Variants in CLEC4G observed in about 807,000 individuals in gnomAD.
CLEC4G encodes the protein C-type lectin superfamily 4, member G.
In CLEC4G, 34 loss-of-function variants were observed where a neutral mutation model predicts 37.0. The ratio of observed to expected loss-of-function variants is 0.92; its 90% CI spans 0.70 to 1.22. The LOEUF is 1.22. Ranked by LOEUF, CLEC4G falls within the 50% of genes most tolerant of loss-of-function variation. The probability of loss-of-function intolerance (pLI) is 0.00; values close to 1 mark genes in which losing one functional copy is unlikely to be tolerated. For synonymous variants in CLEC4G, 167 were observed against 165.6 expected (o/e 1.01, Z -0.06); for missense variants, 390 against 392.9 (o/e 0.99, Z 0.06).
chr19:7,730,126 C>G lies in CLEC4G; in HGVS notation c.520G>C (p.Gly174Arg). The G allele has an allele frequency of 6.2e-7, 1 of 1,612,822 alleles. No individual in the cohort carries two copies. The highest frequency in any genetic ancestry group is 1.1e-5 in the South Asian group (1 of 90,996). Residue 174 changes from glycine (G) to arginine (R), a missense_variant, in exon 7 of 9, where the codon GGC (glycine) becomes CGC (arginine). Physicochemically the swap from Gly to Arg is moderately radical, Grantham distance 125. Transcript: ENST00000328853. This position sits in a 1 kb window ranked among gnomAD's most constrained non-coding sequence, Gnocchi z 7.3. ...GGCACAGAGAAAAAGTAGCAGGAGC[C>G]CTCGAAGGACAGCCACGACGTGGGG... is the stretch of plus-strand genomic sequence containing the variant. ...PCPTSWLSFE[G>R]SCYFFSVPKT...
In CLEC4G at chr19:7,730,387, G is replaced by A; in HGVS notation, c.442C>T (p.Leu148=). Residue 148 remains leucine (L), a synonymous_variant, in exon 6 of 9, where the codon CTG becomes TTG. Coordinates refer to ENST00000328853, the MANE Select transcript of CLEC4G (RefSeq NM_198492.4). The surrounding 1 kb of genome is among the most constrained non-coding windows in gnomAD (Gnocchi z 7.3). ...GRGREDVRTE[L]FRALEAVRLQ... is the part of the protein sequence containing the mutation. ...CTCACGGCCTCCAGCGCCCGGAACAGCTCAGTGCGGACGTCCTCACGGCCC... is the reference window on the plus strand; with the variant it reads ...CTCACGGCCTCCAGCGCCCGGAACAACTCAGTGCGGACGTCCTCACGGCCC... 6.2e-7 allele frequency: 1 copy of A among 1,603,004 alleles called. No individual in the cohort carries two copies. Among genetic ancestry groups the A allele is most frequent in the East Asian group, 2.2e-5 (1 of 44,874 alleles).
In CLEC4G at chr19:7,731,249, C is replaced by T. The variant is rs752661320; in HGVS notation, c.220+17G>A. The T allele has an allele frequency of 2.5e-6, 4 of 1,584,086 alleles. No individual in the cohort carries two copies. Among genetic ancestry groups the T allele is most frequent in the Non-Finnish European group, 1.7e-6 (2 of 1,167,326 alleles). ...CCCTCACGCCCCGGGGGCCCAGGCG[C>T]CCGGCTCTGCACACACCGTTTGTCC... On this transcript the variant is annotated intron_variant, in intron 3 of 8. Coordinates refer to ENST00000328853, the MANE Select transcript of CLEC4G (RefSeq NM_198492.4).
chr19:7,730,853 C>T lies in CLEC4G; in HGVS notation c.290G>A (p.Gly97Glu), dbSNP rs754549496. The T allele has an allele frequency of 2.0e-6, 3 of 1,529,760 alleles. No homozygotes were observed. The highest frequency in any genetic ancestry group is 5.0e-5 in the East Asian group (2 of 40,242). The allele number at this position is 1,529,760 out of a possible 1,614,324, so 94.8% of individuals were successfully genotyped here. Residue 97 changes from glycine (G) to glutamate (E), a missense_variant, in exon 5 of 9, where the codon GGG (glycine) becomes GAG (glutamate). Transcript: ENST00000328853. This position sits in a 1 kb window ranked among gnomAD's most constrained non-coding sequence, Gnocchi z 7.3. ...CGTGGTCTGCAGCTGCGCCTGCGTC[C>T]CCGAGCCTGGGAGCCGCAGGGTGAG... ...EVGDCHSCCS[G>E]TQAQLQTTRA...
Position 7,729,072 on chromosome 19 carries a change from T to G in CLEC4G, c.*294A>C. ...GCTCCAGTCCTCAGTCACCTAACCT[T>G]GGTTAGGGAGAGAAGTGGAGGCATA... On this transcript the variant is annotated 3_prime_UTR_variant, in exon 9 of 9. Transcript: ENST00000328853. 14 of 499,850 alleles carry G rather than the reference T, an allele frequency of 2.8e-5. No homozygotes were observed. Among genetic ancestry groups the G allele is most frequent in the Admixed American group, 5.3e-5 (2 of 37,660 alleles). The allele number at this position is 499,850 out of a possible 1,614,324, so 31.0% of individuals were successfully genotyped here.
chr19:7,730,842 G>A lies in CLEC4G; in HGVS notation c.301C>T (p.Gln101Ter). The A allele has an allele frequency of 6.5e-7, 1 of 1,530,558 alleles. No individual in the cohort carries two copies. The highest frequency in any genetic ancestry group is 8.7e-7 in the Non-Finnish European group (1 of 1,145,240). 94.8% of individuals were successfully genotyped at this position (1,530,558 alleles called of 1,614,324 possible). A position where few individuals can be genotyped will look rare whatever the true frequency, so the allele number is the denominator to read the frequency against. Residue 101 changes from glutamine (Q) to a stop codon, truncating the protein, a stop_gained, in exon 5 of 9, where the codon CAG becomes TAG. Coordinates refer to ENST00000328853, the MANE Select transcript of CLEC4G (RefSeq NM_198492.4). LOFTEE classifies it high-confidence loss of function. This position sits in a 1 kb window ranked among gnomAD's most constrained non-coding sequence, Gnocchi z 7.3. ...AGCTCCGCGCGCGTGGTCTGCAGCT[G>A]CGCCTGCGTCCCCGAGCCTGGGAGC... Reference protein sequence around the residue: ...CHSCCSGTQAQLQTTRAELGE... With the variant: ...CHSCCSGTQA
At position 7,730,810 on chromosome 19, in the gene CLEC4G, C is replaced by T; in HGVS notation, c.333G>A (p.Glu111=). The T allele has an allele frequency of 6.5e-7, 1 of 1,532,646 alleles. No individual in the cohort carries two copies. The highest frequency in any genetic ancestry group is 8.7e-7 in the Non-Finnish European group (1 of 1,145,932). The allele number at this position is 1,532,646 out of a possible 1,614,324, so 94.9% of individuals were successfully genotyped here. The change falls in exon 5 of 9, where the codon GAG becomes GAA. Residue 111 remains glutamate (E), a synonymous_variant. Coordinates refer to ENST00000328853, the MANE Select transcript of CLEC4G (RefSeq NM_198492.4). This position sits in a 1 kb window ranked among gnomAD's most constrained non-coding sequence, Gnocchi z 7.3. ...CCTGCTCCATCAGCTTCGCCTGCGC[C>T]TCCCCAAGCTCCGCGCGCGTGGTCT... is the stretch of plus-strand genomic sequence containing the variant. ...QLQTTRAELG[E]AQAKLMEQES...
At position 7,729,243 on chromosome 19, in the gene CLEC4G, A is replaced by C; in HGVS notation, c.*123T>G. 1 of 748,524 alleles carries C rather than the reference A, an allele frequency of 1.3e-6. No individual in the cohort carries two copies. The highest frequency in any genetic ancestry group is 2.5e-5 in the East Asian group (1 of 39,326). 46.4% of individuals were successfully genotyped at this position (748,524 alleles called of 1,614,324 possible). Reference sequence around the variant, plus strand: ...CTATGTTGGGCCAAGTGTTTCTGAGACTCAGCAGCGGTGGATGAGGAAGAA... The same window carrying C: ...CTATGTTGGGCCAAGTGTTTCTGAGCCTCAGCAGCGGTGGATGAGGAAGAA... On this transcript the variant is annotated 3_prime_UTR_variant, in exon 9 of 9. Transcript: ENST00000328853.
In CLEC4G at chr19:7,730,369, C is replaced by T; in HGVS notation, c.460G>A (p.Ala154Thr). 1 of 1,603,046 alleles carries T rather than the reference C, an allele frequency of 6.2e-7. No homozygotes were observed. Among genetic ancestry groups the T allele is most frequent in the Non-Finnish European group, 8.5e-7 (1 of 1,179,754 alleles). ...CGCTCACTGTTCTGGAGCCTCACGGCCTCCAGCGCCCGGAACAGCTCAGTG... is the reference window on the plus strand; with the variant it reads ...CGCTCACTGTTCTGGAGCCTCACGGTCTCCAGCGCCCGGAACAGCTCAGTG... ...VRTELFRALE[A>T]VRLQNNSCEP... Residue 154 changes from alanine (A) to threonine (T), a missense_variant, in exon 6 of 9, where the codon GCC (alanine) becomes ACC (threonine). Ala to Thr is a moderately conservative substitution (Grantham distance 58). Coordinates refer to ENST00000328853, the MANE Select transcript of CLEC4G (RefSeq NM_198492.4). The surrounding 1 kb of genome is among the most constrained non-coding windows in gnomAD (Gnocchi z 7.3).
Position 7,729,466 on chromosome 19 carries a change from C to A in CLEC4G, c.782G>T (p.Arg261Leu). Residue 261 changes from arginine (R) to leucine (L), a missense_variant, in exon 9 of 9, where the codon CGC becomes CTC. By Grantham distance (102) the Arg-to-Leu change is moderately radical. Transcript: ENST00000328853. ...GTGCAGCATCATGACACAGTTCTCG[C>A]GCCCCCAAGCGTCATTGGGCTCTCC... is the stretch of plus-strand genomic sequence containing the variant. ...NQGEPNDAWG[R>L]ENCVMMLHTG... 6.2e-7 allele frequency: 1 copy of A among 1,604,606 alleles called. No individual in the cohort carries two copies.
At position 7,729,874 on chromosome 19, in the gene CLEC4G, A is replaced by G; in HGVS notation, c.690T>C (p.His230=). ...GYWLGLRAVR[H]LGKVQGYQWV... ...ACTGGTAGCCCTGAACCTTGCCCAG[A>G]TGGCGCACAGCCCTCAGGCCCAGCC... Residue 230 remains histidine, a synonymous_variant, in exon 8 of 9, where the codon CAT becomes CAC. Coordinates refer to ENST00000328853, the MANE Select transcript of CLEC4G (RefSeq NM_198492.4). 6.2e-7 allele frequency: 1 copy of G among 1,614,100 alleles called. No homozygotes were observed. Among genetic ancestry groups the G allele is most frequent in the South Asian group, 1.1e-5 (1 of 91,088 alleles).
At position 7,730,995 on chromosome 19, in the gene CLEC4G, T is replaced by C. The variant is rs1239655801; in HGVS notation, c.283+31A>G. 1 of 1,393,992 alleles carries C rather than the reference T, an allele frequency of 7.2e-7. No homozygotes were observed. Among genetic ancestry groups the C allele is most frequent in the Non-Finnish European group, 9.4e-7 (1 of 1,058,678 alleles). 86.4% of individuals were successfully genotyped at this position (1,393,992 alleles called of 1,614,324 possible). A position where few individuals can be genotyped will look rare whatever the true frequency, so the allele number is the denominator to read the frequency against. Reference sequence around the variant, plus strand: ...CATCGCGGCCGCAAGACCCCATCCCTGCGCCCACAGCCTCGACCGCGCCCC... The same window carrying C: ...CATCGCGGCCGCAAGACCCCATCCCCGCGCCCACAGCCTCGACCGCGCCCC... On this transcript the variant is annotated intron_variant, in intron 4 of 8. Coordinates refer to ENST00000328853, the MANE Select transcript of CLEC4G (RefSeq NM_198492.4). This position sits in a 1 kb window ranked among gnomAD's most constrained non-coding sequence, Gnocchi z 7.3.
chr19:7,729,318 A>G lies in CLEC4G; in HGVS notation c.*48T>C, dbSNP rs2033390230. On this transcript the variant is annotated 3_prime_UTR_variant, in exon 9 of 9. Coordinates refer to ENST00000328853, the MANE Select transcript of CLEC4G (RefSeq NM_198492.4). ...GGAGCCAGGGAGGTGAGCAGCCCCC[A>G]GGATACGACATGCTGCAATGGGCGC... The G allele has an allele frequency of 1.5e-6, 2 of 1,342,302 alleles. No individual in the cohort carries two copies. Among genetic ancestry groups the G allele is most frequent in the Admixed American group, 1.7e-5 (1 of 59,690 alleles). 83.1% of individuals were successfully genotyped at this position (1,342,302 alleles called of 1,614,324 possible). A position where few individuals can be genotyped will look rare whatever the true frequency, so the allele number is the denominator to read the frequency against.
At position 7,730,387 on chromosome 19, in the gene CLEC4G, G is replaced by C. The variant is rs781181287; in HGVS notation, c.442C>G (p.Leu148Val). The change falls in exon 6 of 9, where the codon CTG (leucine) becomes GTG (valine). Residue 148 changes from leucine (L) to valine (V), a missense_variant. By Grantham distance (32) the Leu-to-Val change is conservative. Coordinates refer to ENST00000328853, the MANE Select transcript of CLEC4G (RefSeq NM_198492.4). The surrounding 1 kb of genome is among the most constrained non-coding windows in gnomAD (Gnocchi z 7.3). ...CTCACGGCCTCCAGCGCCCGGAACA[G>C]CTCAGTGCGGACGTCCTCACGGCCC... is the stretch of plus-strand genomic sequence containing the variant. ...GRGREDVRTE[L>V]FRALEAVRLQ... 3.1e-6 allele frequency: 5 copies of C among 1,603,006 alleles called. No homozygotes were observed. Among genetic ancestry groups the C allele is most frequent in the Non-Finnish European group, 4.2e-6 (5 of 1,179,858 alleles).
At position 7,730,286 on chromosome 19, in the gene CLEC4G, G is replaced by GTGGA. The variant is rs2033408301; in HGVS notation, c.478+64_478+65insTCCA. On this transcript the variant is annotated intron_variant, in intron 6 of 8. Coordinates refer to ENST00000328853, the MANE Select transcript of CLEC4G (RefSeq NM_198492.4). The surrounding 1 kb of genome is among the most constrained non-coding windows in gnomAD (Gnocchi z 7.3). ...GGGTGGAGACACAGAACCAGGCCAA[G>GTGGA]GTCCAGGAGTGACAGGGTCCGCTTA... 4 of 1,572,782 alleles carry GTGGA rather than the reference G, an allele frequency of 2.5e-6. No individual in the cohort carries two copies. The South Asian group carries it at 4.6e-5, about 18-fold the overall frequency.
At position 7,729,841 on chromosome 19, in the gene CLEC4G, G is replaced by A. The variant is rs775952840; in HGVS notation, c.723C>T (p.Asp241=). Residue 241 remains aspartate, a synonymous_variant, in exon 8 of 9, where the codon GAC becomes GAT. Transcript: ENST00000328853. ...CTCACCTGAAGCTGAGAGAGACTCCGTCCACCCACTGGTAGCCCTGAACCT... is the reference window on the plus strand; with the variant it reads ...CTCACCTGAAGCTGAGAGAGACTCCATCCACCCACTGGTAGCCCTGAACCT... ...LGKVQGYQWV[D]GVSLSFSHWN... 3.7e-6 allele frequency: 6 copies of A among 1,614,120 alleles called. No individual in the cohort carries two copies. The highest frequency in any genetic ancestry group is 1.1e-5 in the South Asian group (1 of 91,086).
rs1185879537 is a variant in CLEC4G, at chr19:7,729,188, C to T, written c.*178G>A. On this transcript the variant is annotated 3_prime_UTR_variant, in exon 9 of 9. Coordinates refer to ENST00000328853, the MANE Select transcript of CLEC4G (RefSeq NM_198492.4). ...GTTAGGATGAGGTCGGCATGGAGGTCCCAGAGCCCAGGCACTGGGCTGGAC... is the reference window on the plus strand; with the variant it reads ...GTTAGGATGAGGTCGGCATGGAGGTTCCAGAGCCCAGGCACTGGGCTGGAC... The T allele has an allele frequency of 1.4e-6, 1 of 697,602 alleles. No individual in the cohort carries two copies. The highest frequency in any genetic ancestry group is 1.5e-5 in the South Asian group (1 of 66,832). The allele number at this position is 697,602 out of a possible 1,614,324, so 43.2% of individuals were successfully genotyped here.
At position 7,731,732 on chromosome 19, in the gene CLEC4G, A is replaced by C. The variant is rs1433942670; in HGVS notation, c.95T>G (p.Leu32Arg). The C allele has an allele frequency of 6.2e-7, 1 of 1,613,930 alleles. No homozygotes were observed. Among genetic ancestry groups the C allele is most frequent in the Non-Finnish European group, 8.5e-7 (1 of 1,179,994 alleles). The change falls in exon 2 of 9, where the codon CTC becomes CGC. Residue 32 changes from leucine (L) to arginine (R), a missense_variant. Physicochemically the swap from Leu to Arg is moderately radical, Grantham distance 102. Transcript: ENST00000328853. ...GACCAGGACAGCCAGGGCCAAGAAG[A>C]GGGGTCTCCTGCTCCAGTGCACCCA... ...GRWVHWSRRP[L>R]FLALAVLVTT...
In CLEC4G at chr19:7,730,903, G is replaced by A. The variant is rs1444730777; in HGVS notation, c.284-44C>T. On this transcript the variant is annotated intron_variant, in intron 4 of 8. Coordinates refer to ENST00000328853, the MANE Select transcript of CLEC4G (RefSeq NM_198492.4). The surrounding 1 kb of genome is among the most constrained non-coding windows in gnomAD (Gnocchi z 7.3). The stretch of plus-strand genomic sequence containing the variant: ...GAGGGGCGAGGGCGGCGAGGATGGG[G>A]CGGGACTTCGGAGACCAGCCCCCGC... The A allele has an allele frequency of 3.9e-6, 6 of 1,522,284 alleles. No homozygotes were observed. Among genetic ancestry groups the A allele is most frequent in the Non-Finnish European group, 5.3e-6 (6 of 1,140,638 alleles). The allele number at this position is 1,522,284 out of a possible 1,614,324, so 94.3% of individuals were successfully genotyped here. A position where few individuals can be genotyped will look rare whatever the true frequency, so the allele number is the denominator to read the frequency against.
In CLEC4G at chr19:7,730,251, G is replaced by A. The variant is rs558554651; in HGVS notation, c.479-84C>T. 2,195 of 1,574,014 alleles carry A rather than the reference G, an allele frequency of 1.4e-3. 10 individuals are homozygous for A. The highest frequency in any genetic ancestry group is 6.8e-3 in the Middle Eastern group (40 of 5,860). On this transcript the variant is annotated intron_variant, in intron 6 of 8. Coordinates refer to ENST00000328853, the MANE Select transcript of CLEC4G (RefSeq NM_198492.4). The surrounding 1 kb of genome is among the most constrained non-coding windows in gnomAD (Gnocchi z 7.3). The stretch of plus-strand genomic sequence containing the variant: ...ATGCAGTGGGTAGGGGTTCGGCCCC[G>A]CGGGCTCAGGGGTGGAGACACAGAA...
Sources: gnomAD v4.1 joint callset for allele counts on GRCh38, gnomAD v4.1.1 for gene constraint, Gnocchi (gnomAD v3.1) non-coding constraint, MANE v1.5 for transcripts, NCBI Gene and HGNC (gene_info 2026-07-23, HGNC 2026-07-21) for gene names.